The following CDH12 variants were observed in gnomAD, a reference collection of about 807,000 sequenced individuals.
CDH12 encodes the protein cadherin-12.
In CDH12, 41 loss-of-function variants were observed where a neutral mutation model predicts 74.1. The ratio of observed to expected loss-of-function variants is 0.55; its 90% CI spans 0.43 to 0.72. CDH12 has a LOEUF of 0.72. CDH12 is among the 30% of genes least tolerant of loss of function. The pLI, the probability that CDH12 is intolerant of heterozygous loss-of-function variation, is 0.00. For synonymous variants in CDH12, 399 were observed against 355.0 expected (o/e 1.12, Z -1.39); for missense variants, 945 against 977.2 (o/e 0.97, Z 0.44).
chr5:21,875,892 G>A (rs1245415533), intron 6 of CDH12, among the ~76,000 whole-genome samples: 20 of 117,086 alleles, frequency 1.7e-4, no homozygotes, highest in African/African-American at 4.2e-4. Context: ...TCTTCTTTGC[G>A]GGCATTTTTT....
intron 5 of CDH12, among the ~76,000 whole-genome samples, chr5:22,016,311 G>A (rs1233111198): frequency 6.6e-6 from 1 of 152,042 alleles, no homozygotes; most frequent in African/African-American, 2.4e-5. Flanking sequence ...TTAAATGATT[G>A]CAGTAAGGTT....
At chr5:22,153,123 T>C (rs1180041709) in intron 4 of CDH12, among the ~76,000 whole-genome samples, 1 of 151,910 alleles carries the variant, frequency 6.6e-6, no homozygotes, top group Non-Finnish European at 1.5e-5. Context: ...TGGATATATA[T>C]ACCCAGAAGA....
At chr5:21,957,572 A>T (rs1478303264) in intron 6 of CDH12, among the ~76,000 whole-genome samples, 2 of 152,118 alleles carry the variant, frequency 1.3e-5, no homozygotes, top group Admixed American at 1.3e-4. Context: ...ACCTGCCAGC[A>T]TCTGTTATTT....
intron 4 of CDH12, among the ~76,000 whole-genome samples, chr5:22,086,658 G>A (rs1013528503): frequency 6.6e-6 from 1 of 151,276 alleles, no homozygotes; most frequent in Non-Finnish European, 1.5e-5. Flanking sequence ...TGCCCGGCCC[G>A]AATTTTAACT....
intron 1 of CDH12, among the ~76,000 whole-genome samples, chr5:22,833,097 G>T (rs1736689208): frequency 6.6e-6 from 1 of 152,222 alleles, no homozygotes; most frequent in African/African-American, 2.4e-5. Flanking sequence ...TGCTTTTCAA[G>T]GTTTCCCCAG....
chr5:22,395,830 G>A (rs1399073248), intron 3 of CDH12, among the ~76,000 whole-genome samples: 2 of 152,054 alleles, frequency 1.3e-5, no homozygotes, highest in Non-Finnish European at 2.9e-5. Context: ...GGCCTGCCCT[G>A]GAGGACTTCT....
chr5:22,834,116 C>A (rs2126506835), intron 1 of CDH12, among the ~76,000 whole-genome samples: 1 of 152,098 alleles, frequency 6.6e-6, no homozygotes, highest in Non-Finnish European at 1.5e-5. Flanking sequence ...TTTATAATTG[C>A]AAAATTCTTC....
intron 3 of CDH12, among the ~76,000 whole-genome samples, chr5:22,362,325 A>C (rs1740841702): frequency 1.3e-5 from 2 of 152,238 alleles, no homozygotes; most frequent in Non-Finnish European, 2.9e-5. Flanking sequence ...CAGACACATG[A>C]AAAAATGTTC....
chr5:22,030,930 T>G (rs1336255305), intron 5 of CDH12, among the ~76,000 whole-genome samples: 1 of 152,198 alleles, frequency 6.6e-6, no homozygotes, highest in Non-Finnish European at 1.5e-5. Context: ...TTAAATCTCA[T>G]GAACAAACTC....
At chr5:22,200,857 A>G (rs1235511090) in intron 4 of CDH12, among the ~76,000 whole-genome samples, 5 of 152,220 alleles carry the variant, frequency 3.3e-5, no homozygotes, top group African/African-American at 7.2e-5. Flanking sequence ...AGTGAATGAC[A>G]CAGGCATAGA....
intron 3 of CDH12, among the ~76,000 whole-genome samples, chr5:22,273,494 GATTA>G (rs1461325751): frequency 4.6e-5 from 7 of 152,234 alleles, no homozygotes; most frequent in Middle Eastern, 3.4e-3. Context: ...TAATCTCATT[GATTA>G]ATTAATTCTT....
At chr5:21,842,935 C>T (rs1749953374) in intron 7 of CDH12, among the ~76,000 whole-genome samples, 1 of 152,102 alleles carries the variant, frequency 6.6e-6, no homozygotes, top group Admixed American at 6.6e-5. Flanking sequence ...TGAGTGTATG[C>T]AAACCAATTA....
chr5:22,544,972 G>GC (rs1367969108), intron 1 of CDH12, among the ~76,000 whole-genome samples: 2 of 146,296 alleles, frequency 1.4e-5, no homozygotes, highest in Non-Finnish European at 3.0e-5. Context: ...GTGAGATGTG[G>GC]CAAAAAAAAA....
At chr5:22,688,265 AT>A (rs934187876) in intron 1 of CDH12, among the ~76,000 whole-genome samples, 38 of 152,186 alleles carry the variant, frequency 2.5e-4, no homozygotes, top group Non-Finnish European at 5.6e-4. Flanking sequence ...GGAAAGAAAA[AT>A]TGGGATAATT....
rs532395444 is a variant in CDH12, at chr5:21,773,134, T to G, written c.1394-8035A>C. ...TAATGATTATTATTTCCGATGTATA[T>G]GATACATTACAGTGCTTTACGAAAT... On this transcript the variant is annotated intron_variant, in intron 11 of 14. Transcript: ENST00000382254. Among the ~76,000 whole-genome samples, 80 of 152,302 alleles carry G rather than the reference T, an allele frequency of 5.3e-4. 4 individuals carry two copies. In the South Asian group the frequency reaches 9.9e-3, roughly 19 times the overall value.
chr5:22,088,219 TAAGTGTATTCAGCA>T (rs1743191656), intron 4 of CDH12, among the ~76,000 whole-genome samples: 1 of 152,146 alleles, frequency 6.6e-6, no homozygotes, highest in Non-Finnish European at 1.5e-5. Context: ...GAAATGGTCT[TAAGTGTATTCAGCA>T]AACAAAATAA....
At chr5:22,254,916 T>C (rs556787475) in intron 3 of CDH12, among the ~76,000 whole-genome samples, 1 of 152,000 alleles carries the variant, frequency 6.6e-6, no homozygotes, top group East Asian at 1.9e-4. Context: ...CTTTTAGTTA[T>C]TTTGAAATAT....
intron 1 of CDH12, among the ~76,000 whole-genome samples, chr5:22,846,967 A>G (rs1344995063): frequency 6.6e-6 from 1 of 152,102 alleles, no homozygotes. Flanking sequence ...TAAAATTTTT[A>G]TTGTTAATGT....
chr5:22,696,928 G>A (rs1400670649), intron 1 of CDH12, among the ~76,000 whole-genome samples: 5 of 151,408 alleles, frequency 3.3e-5, no homozygotes, highest in Non-Finnish European at 7.4e-5. Context: ...CTCTAGCACT[G>A]AAACCAAGTA....
Sources: allele counts gnomAD v4.1 joint callset (sites outside exome capture counted in the v4.1 genomes callset), GRCh38; gene constraint gnomAD v4.1.1; transcripts MANE v1.5; gene names NCBI Gene and HGNC (gene_info 2026-07-23, HGNC 2026-07-21).